CACNA1C: variants seen among roughly 807,000 people sequenced by gnomAD.
The protein encoded by CACNA1C is voltage-dependent L-type calcium channel subunit alpha-1C.
A neutral mutation model predicts 229.0 loss-of-function variants in CACNA1C; 30 were observed. The ratio of observed to expected loss-of-function variants is 0.13; its 90% CI spans 0.10 to 0.18. The LOEUF (loss-of-function observed/expected upper bound fraction) is 0.18. Among genes scored for constraint, CACNA1C ranks in the 10% least tolerant of loss-of-function variants. The pLI, the probability that CACNA1C is intolerant of heterozygous loss-of-function variation, is 1.00. For missense variants in CACNA1C, 1,658 were observed against 2,845.0 expected (o/e 0.58, Z 9.49); for synonymous variants, 1,114 against 1,132.5 (o/e 0.98, Z 0.33).
At chr12:2,392,254 A>G (rs1263437207) in intron 3 of CACNA1C, among the ~76,000 whole-genome samples, 1 of 152,238 alleles carries the variant, frequency 6.6e-6, no homozygotes, top group Non-Finnish European at 1.5e-5. Context: ...CTACTGAGCC[A>G]TCTATTTAGT....
intron 5 of CACNA1C, among the ~76,000 whole-genome samples, chr12:2,470,182 G>A (rs1024712570): frequency 1.3e-5 from 2 of 152,180 alleles, no homozygotes; most frequent in Non-Finnish European, 2.9e-5. Context: ...ATAAGAGCAG[G>A]TATTTATTAA....
chr12:2,048,852 GGAAGAA>G (rs151107211), upstream of CACNA1C, among the ~76,000 whole-genome samples: 2 of 151,898 alleles, frequency 1.3e-5, no homozygotes, highest in African/African-American at 4.8e-5. Context: ...GACCAGACAG[GGAAGAA>G]GAAGAAGAAG....
chr12:2,012,275 C>T (rs2044579470), intron 1 of CACNA1C, among the ~76,000 whole-genome samples: 1 of 152,146 alleles, frequency 6.6e-6, no homozygotes, highest in African/African-American at 2.4e-5. Flanking sequence ...TTTCCTTACC[C>T]GGTCCCTCAA....
chr12:2,524,145 A>G (rs2099814706), intron 9 of CACNA1C, among the ~76,000 whole-genome samples: 1 of 152,242 alleles, frequency 6.6e-6, no homozygotes, highest in Non-Finnish European at 1.5e-5. Flanking sequence ...GAAAGGTCAC[A>G]GAAAGTGGAA....
rs2098700438 is a variant in CACNA1C, at chr12:2,403,329, G to T, written c.478-45647G>T. Reference sequence around the variant, plus strand: ...ACTAGCTGCTTGTGTCATTGGACGAGTGACTTCCCCTCTTGTGTCAAGGTG... The same window carrying T: ...ACTAGCTGCTTGTGTCATTGGACGATTGACTTCCCCTCTTGTGTCAAGGTG... On this transcript the variant is annotated intron_variant, in intron 3 of 46. Transcript: ENST00000399655. The surrounding 1 kb of genome is among the most constrained non-coding windows in gnomAD (Gnocchi z 4.1). Among the ~76,000 whole-genome samples the T allele has an allele frequency of 1.3e-5, 2 of 152,160 alleles. No individual in the cohort carries two copies.
intron 1 of CACNA1C, among the ~76,000 whole-genome samples, chr12:2,110,296 C>A (rs2081154414): frequency 6.6e-6 from 1 of 152,304 alleles, no homozygotes; most frequent in Admixed American, 6.5e-5. Flanking sequence ...GGGAGCTGGG[C>A]CATTTGACAG....
chr12:2,236,200 C>T (rs2154368388), intron 3 of CACNA1C, among the ~76,000 whole-genome samples: 1 of 152,288 alleles, frequency 6.6e-6, no homozygotes, highest in Non-Finnish European at 1.5e-5. Flanking sequence ...TGCCCAAGAG[C>T]CATCTGGGGA....
chr12:2,279,872 C>A (rs988388336), intron 3 of CACNA1C, among the ~76,000 whole-genome samples: 1 of 152,096 alleles, frequency 6.6e-6, no homozygotes, highest in East Asian at 1.9e-4. Context: ...AAATATCATA[C>A]CATTTTATAT....
intron 26 of CACNA1C, 144 bp downstream of exon 26, chr12:2,607,274 T>G: frequency 5.3e-6 from 4 of 758,648 alleles, no homozygotes; most frequent in Middle Eastern, 3.6e-4. Flanking sequence ...GTGAGGTGTA[T>G]TTCTAGAACT....
At chr12:2,154,910 A>AG (rs2095477437) in intron 3 of CACNA1C, among the ~76,000 whole-genome samples, 1 of 152,180 alleles carries the variant, frequency 6.6e-6, no homozygotes, top group African/African-American at 2.4e-5. Context: ...AGCTCCCCAA[A>AG]GTGGGGTATT....
intron 3 of CACNA1C, among the ~76,000 whole-genome samples, chr12:2,191,643 AACAGGCACACACACGCACATGTACTCAT>A (rs1382946789): frequency 5.4e-5 from 8 of 149,506 alleles, no homozygotes; most frequent in African/African-American, 1.5e-4. Flanking sequence ...CACACATGTA[AACAGGCACACACACGCACATGTACTCAT>A]ACAGGCACAC....
chr12:2,101,240 C>A (rs1182007014), intron 1 of CACNA1C, among the ~76,000 whole-genome samples: 1 of 152,182 alleles, frequency 6.6e-6, no homozygotes, highest in East Asian at 1.9e-4. Flanking sequence ...GTATCATTCA[C>A]ACCGTGACGA....
rs574793248 is a variant in CACNA1C at position 2,457,134 on chromosome 12, AG to A, written c.618-426del. On this transcript the variant is annotated intron_variant, in intron 4 of 46. Coordinates refer to ENST00000399655, the MANE Select transcript of CACNA1C (RefSeq NM_000719.7). ...TCCATGGGCCAGGAACAAGTCAAAG[AG>A]GGGGGGTATCTAGAAGGAAGGAGGT... is the stretch of plus-strand genomic sequence containing the variant. Among the ~76,000 whole-genome samples the A allele has an allele frequency of 1.6e-4, 25 of 151,876 alleles. No individual in the cohort carries two copies. In the East Asian group the frequency reaches 3.3e-3, roughly 20 times the overall value.
rs2043575237 is a variant in CACNA1C at position 2,006,948 on chromosome 12, CAT to C, written c.139+35749_139+35750del. Among the ~76,000 whole-genome samples the C allele has an allele frequency of 3.3e-5, 5 of 152,320 alleles. 1 individual carries two copies. In the South Asian group the frequency reaches 1.0e-3, roughly 32 times the overall value. On this transcript the variant is annotated intron_variant, in intron 1 of 46. Coordinates refer to the CACNA1C transcript ENST00000682462. Reference sequence around the variant, plus strand: ...GGATTGTGACCTGTAGTTTGAAAAACATAGGGCTGCAGCAACTGAGCAACCAC... The same window carrying C: ...GGATTGTGACCTGTAGTTTGAAAAACAGGGCTGCAGCAACTGAGCAACCAC...
At chr12:2,537,810 T>C (rs1489445846) in intron 9 of CACNA1C, among the ~76,000 whole-genome samples, 1 of 151,840 alleles carries the variant, frequency 6.6e-6, no homozygotes, top group African/African-American at 2.4e-5. Context: ...CGCCCTCCTG[T>C]GTGGTCAGAT....
chr12:2,439,284 G>A (rs1011759672), intron 3 of CACNA1C, among the ~76,000 whole-genome samples: 2 of 152,224 alleles, frequency 1.3e-5, no homozygotes, highest in Admixed American at 1.3e-4. Flanking sequence ...TGTGGCAAAG[G>A]TTGATCATGC....
At chr12:2,022,463 C>CTTT (rs71057815) in intron 1 of CACNA1C, among the ~76,000 whole-genome samples, 1 of 133,616 alleles carries the variant, frequency 7.5e-6, no homozygotes, top group Non-Finnish European at 1.6e-5. Context: ...CCCTAAGGAA[C>CTTT]TTTTTTTTTT....
chr12:2,064,018 T>C (rs1345240401), intron 1 of CACNA1C, among the ~76,000 whole-genome samples: 1 of 152,212 alleles, frequency 6.6e-6, no homozygotes, highest in Non-Finnish European at 1.5e-5. Context: ...GAAATCCTAT[T>C]GTGTCAGTAG....
Position 2,597,600 on chromosome 12 carries a change from T to A in CACNA1C, c.2853+311T>A, listed in dbSNP as rs1232012992. The A allele has an allele frequency of 2.4e-6, 2 of 836,678 alleles. No homozygotes were observed. Among genetic ancestry groups the A allele is most frequent in the Non-Finnish European group, 4.0e-6 (2 of 499,692 alleles). 51.8% of individuals were successfully genotyped at this position (836,678 alleles called of 1,614,324 possible). ...TCTGTTTCTTTCACTCTCTCTTTTC[T>A]TTACTCCCAAGCCTGAAATTGGAAA... On this transcript the variant is annotated intron_variant, in intron 21 of 46. Transcript: ENST00000399655. This position sits in a 1 kb window ranked among gnomAD's most constrained non-coding sequence, Gnocchi z 4.3.
Sources: gnomAD v4.1 joint callset for allele counts (sites outside exome capture counted in the v4.1 genomes callset) on GRCh38, gnomAD v4.1.1 for gene constraint, Gnocchi (gnomAD v3.1) non-coding constraint, MANE v1.5 for transcripts, NCBI Gene and HGNC (gene_info 2026-07-23, HGNC 2026-07-21) for gene names.